The following FOCAD variants were observed in gnomAD, a reference collection of about 807,000 sequenced individuals.
FOCAD encodes KIAA1797.
Under a neutral mutation model 225.6 loss-of-function variants are expected in FOCAD, and 198 were observed. That is an observed-to-expected ratio of 0.88 (90% CI 0.78 to 0.99). FOCAD has a LOEUF of 0.99. FOCAD is among the 50% of genes least tolerant of loss of function. The pLI is 0.00. For missense variants in FOCAD, 2,713 were observed against 2,123.6 expected (o/e 1.28, Z -5.46); for synonymous variants, 897 against 755.0 (o/e 1.19, Z -3.08).
At chr9:20,981,810 C>A in intron 38 of FOCAD, 124 bp downstream of exon 38, 1 of 1,040,900 alleles carries the variant, frequency 9.6e-7, no homozygotes, top group Non-Finnish European at 1.4e-6. Context: ...GAAATAACCA[C>A]ATTCTTTACT....
At chr9:20,752,986 T>A (rs1828707613) in intron 5 of FOCAD, among the ~76,000 whole-genome samples, 1 of 151,010 alleles carries the variant, frequency 6.6e-6, no homozygotes, top group Non-Finnish European at 1.5e-5. Flanking sequence ...ATAAGAATGC[T>A]TGTGATTTTT....
chr9:20,677,775 G>A (rs1822278883), intron 2 of FOCAD, among the ~76,000 whole-genome samples: 1 of 152,160 alleles, frequency 6.6e-6, no homozygotes, highest in South Asian at 2.1e-4. Flanking sequence ...ACCGTGTGGA[G>A]GTTTCTCAAA....
chr9:20,986,375 G>T lies in FOCAD; in HGVS notation c.4816G>T (p.Val1606Phe), dbSNP rs143069254. Residue 1606 changes from valine (V) to phenylalanine (F), a missense_variant, in exon 40 of 44, where the codon GTT becomes TTT. Transcript: ENST00000338382. ...GGTGAACCTGACCGATATGCTGAGC[G>T]TTGCTGTGCAGCACCGTGAGAAAGA... ...PLVNLTDMLS[V>F]AVQHREKEVL... The T allele has an allele frequency of 1.9e-6, 3 of 1,607,632 alleles. No homozygotes were observed. Among genetic ancestry groups the T allele is most frequent in the Non-Finnish European group, 1.7e-6 (2 of 1,178,222 alleles).
chr9:20,675,216 G>C (rs192803604), intron 2 of FOCAD, among the ~76,000 whole-genome samples: 56 of 152,306 alleles, frequency 3.7e-4, no homozygotes, highest in Non-Finnish European at 6.2e-4. Context: ...GTTGGCTTAG[G>C]TTAGGGGTAG....
Position 20,944,702 on chromosome 9 carries a change from C to A in FOCAD, c.3483C>A (p.His1161Gln). 1 of 1,614,114 alleles carries A rather than the reference C, an allele frequency of 6.2e-7. No homozygotes were observed. The change falls in exon 29 of 44, where the codon CAC (histidine) becomes CAA (glutamine). Residue 1161 changes from histidine (H) to glutamine (Q), a missense_variant. Coordinates refer to ENST00000338382, the MANE Select transcript of FOCAD (RefSeq NM_001375567.1). ...SHSSQMQSRVHVAALLRKLSA... is the reference protein window; with the variant it reads ...SHSSQMQSRVQVAALLRKLSA... ...GCAGCCAAATGCAGTCCCGCGTTCA[C>A]GTAGCAGCATTGCTCCGGAAGCTGT...
intron 35 of FOCAD, among the ~76,000 whole-genome samples, chr9:20,957,949 G>A (rs924795306): frequency 6.6e-6 from 1 of 151,956 alleles, no homozygotes; most frequent in African/African-American, 2.4e-5. Flanking sequence ...CCTTCAAAAA[G>A]CTTTGCCAGT....
intron 28 of FOCAD, among the ~76,000 whole-genome samples, chr9:20,934,560 G>T: frequency 6.6e-6 from 1 of 151,750 alleles, no homozygotes; most frequent in East Asian, 1.9e-4. Context: ...CTGTATTTGG[G>T]TTTATTTCTG....
chr9:20,946,879 G>T, intron 30 of FOCAD, 59 bp downstream of exon 30: 1 of 1,596,570 alleles, frequency 6.3e-7, no homozygotes, highest in Non-Finnish European at 8.5e-7. Flanking sequence ...GCTAAGTTTT[G>T]CTTTTGACTT....
chr9:20,913,142 A>G (rs1435708417), intron 23 of FOCAD, among the ~76,000 whole-genome samples, 188 bp downstream of exon 23: 1 of 102,928 alleles, frequency 9.7e-6, no homozygotes, highest in African/African-American at 4.0e-5. Flanking sequence ...TATAAATTAT[A>G]CATACACACA....
chr9:20,962,453 T>TACAC (rs1838838573), intron 35 of FOCAD, among the ~76,000 whole-genome samples: 1 of 151,820 alleles, frequency 6.6e-6, no homozygotes, highest in East Asian at 1.9e-4. Flanking sequence ...CATACATACA[T>TACAC]ACACTAGATA....
Position 20,929,381 on chromosome 9 carries a change from A to G in FOCAD, c.3102A>G (p.Thr1034=). ...FYYKSYSGEN[T]ASAIARSAAA... is the part of the protein sequence containing the mutation. ...AGAAGTCCTATTCTGGTGAAAACAC[A>G]GCTAGTGCCATTGCCCGTTCTGCTG... is the stretch of plus-strand genomic sequence containing the variant. The change falls in exon 27 of 44, where the codon ACA becomes ACG. Residue 1034 remains threonine (T), a synonymous_variant. Coordinates refer to ENST00000338382, the MANE Select transcript of FOCAD (RefSeq NM_001375567.1). 6.2e-7 allele frequency: 1 copy of G among 1,614,128 alleles called. No homozygotes were observed. The highest frequency in any genetic ancestry group is 8.5e-7 in the Non-Finnish European group (1 of 1,179,994).
At chr9:20,848,633 G>A (rs1157251875) in intron 15 of FOCAD, among the ~76,000 whole-genome samples, 1 of 151,860 alleles carries the variant, frequency 6.6e-6, no homozygotes, top group East Asian at 1.9e-4. Flanking sequence ...CCTGTAAGGG[G>A]AAGAAAAGAA....
intron 15 of FOCAD, among the ~76,000 whole-genome samples, chr9:20,847,139 G>A (rs184297401): frequency 7.2e-5 from 11 of 152,016 alleles, no homozygotes; most frequent in Admixed American, 2.0e-4. Context: ...CCACAGAGTT[G>A]TACAATCATC....
At chr9:20,830,849 AT>A (rs982110238) in intron 15 of FOCAD, among the ~76,000 whole-genome samples, 1 of 151,876 alleles carries the variant, frequency 6.6e-6, no homozygotes, top group East Asian at 1.9e-4. Context: ...GCTAACTTAA[AT>A]TTTTTGTAGA....
In FOCAD at chr9:20,951,078, C is replaced by T. The variant is rs1466779915; in HGVS notation, c.4031C>T (p.Ser1344Leu). ...CATCTTCATCTATCTACTCTATCCTCAAGTCAAAGTAGAGCCTCTGGTAAG... is the reference window on the plus strand; with the variant it reads ...CATCTTCATCTATCTACTCTATCCTTAAGTCAAAGTAGAGCCTCTGGTAAG... The part of the protein sequence containing the change: ...LGHLHLSTLS[S>L]SQSRASVPTD... Residue 1344 changes from serine to leucine, a missense_variant, in exon 34 of 44, where the codon TCA (serine) becomes TTA (leucine). By Grantham distance (145) the Ser-to-Leu change is moderately radical. Coordinates refer to ENST00000338382, the MANE Select transcript of FOCAD (RefSeq NM_001375567.1). 1.9e-6 allele frequency: 3 copies of T among 1,613,274 alleles called. No homozygotes were observed. Among genetic ancestry groups the T allele is most frequent in the Non-Finnish European group, 2.5e-6 (3 of 1,179,308 alleles).
chr9:20,986,434 C>T lies in FOCAD; in HGVS notation c.4875C>T (p.Tyr1625=), dbSNP rs770590150. The T allele has an allele frequency of 1.2e-6, 2 of 1,612,140 alleles. No individual in the cohort carries two copies. Among genetic ancestry groups the T allele is most frequent in the Non-Finnish European group, 1.7e-6 (2 of 1,179,326 alleles). ...CCTGGATGATTCTGCACAGCTTATA[C>T]CAGGCACGGATTGTGAGCCATGCCA... ...VLAWMILHSL[Y]QARIVSHANT... is the part of the protein sequence containing the mutation. Residue 1625 remains tyrosine, a synonymous_variant, in exon 40 of 44, where the codon TAC becomes TAT. Transcript: ENST00000338382.
At chr9:20,952,124 C>T (rs1170357389) in intron 34 of FOCAD, among the ~76,000 whole-genome samples, 2 of 152,106 alleles carry the variant, frequency 1.3e-5, no homozygotes, top group African/African-American at 4.8e-5. Context: ...TTTTGAAGGG[C>T]AGGGATCTCA....
At chr9:20,804,868 G>C (rs1822246372) in intron 11 of FOCAD, among the ~76,000 whole-genome samples, 1 of 151,174 alleles carries the variant, frequency 6.6e-6, no homozygotes, top group African/African-American at 2.4e-5. Context: ...GTGGCGGGGG[G>C]TGGGGGTCAC....
At chr9:20,929,631 T>C in intron 27 of FOCAD, 35 bp downstream of exon 27, 1 of 1,587,332 alleles carries the variant, frequency 6.3e-7, no homozygotes. Flanking sequence ...CTTTTCTTCT[T>C]TGTGATTTTT....
Sources: allele counts gnomAD v4.1 joint callset (sites outside exome capture counted in the v4.1 genomes callset), GRCh38; gene constraint gnomAD v4.1.1; transcripts MANE v1.5; gene names NCBI Gene and HGNC (gene_info 2026-07-23, HGNC 2026-07-21).